Variants in HIVEP1 observed in about 807,000 individuals in gnomAD.
The protein encoded by HIVEP1 is zinc finger protein 40.
In HIVEP1, 36 loss-of-function variants were observed where a neutral mutation model predicts 180.0. The observed-to-expected ratio is 0.20, with a 90% confidence interval of 0.15 to 0.26. HIVEP1 has a LOEUF of 0.26. Among genes scored for constraint, HIVEP1 ranks in the 10% least tolerant of loss-of-function variants. HIVEP1 has a pLI of 1.00. For synonymous variants in HIVEP1, 1,239 were observed against 1,239.0 expected, an observed-to-expected ratio of 1.00 and a Z score of 0.00; for missense variants, 3,143 against 3,268.7, an observed-to-expected ratio of 0.96 and a Z score of 0.94.
At chr6:12,195,307 C>T in the HIVEP1 span, among the ~76,000 whole-genome samples, 1 of 152,084 alleles carries the variant, frequency 6.6e-6, no homozygotes, top group Admixed American at 6.5e-5. Flanking sequence ...AGAGTAAGTG[C>T]TCAATAAATA....
At position 12,121,280 on chromosome 6, in the gene HIVEP1, C is replaced by T. The variant is rs777787146; in HGVS notation, c.1485C>T (p.Ser495=). Residue 495 remains serine (S), a synonymous_variant, in exon 4 of 9, where the codon AGC becomes AGT. Transcript: ENST00000379388. The surrounding 1 kb of genome is among the most constrained non-coding windows in gnomAD (Gnocchi z 5.3). ...IHSDVEDSGE[S]EEEGATDERQ... is the part of the protein sequence containing the mutation. Reference sequence around the variant, plus strand: ...CAGACGTAGAAGACAGTGGGGAGAGCGAGGAGGAAGGCGCCACTGATGAGA... The same window carrying T: ...CAGACGTAGAAGACAGTGGGGAGAGTGAGGAGGAAGGCGCCACTGATGAGA... The T allele has an allele frequency of 1.6e-5, 26 of 1,614,070 alleles. No homozygotes were observed. The highest frequency in any genetic ancestry group is 1.1e-4 in the South Asian group (10 of 91,082).
chr6:12,015,481 C>A (rs1341649772), intron 1 of HIVEP1, 45 bp from the exon 2 acceptor site: 1 of 666,312 alleles, frequency 1.5e-6, no homozygotes, highest in South Asian at 1.9e-5. Flanking sequence ...TATCTTTCTC[C>A]TCTGAAGGTA....
intron 2 of HIVEP1, among the ~76,000 whole-genome samples, chr6:12,033,975 C>G (rs984216537): frequency 2.0e-5 from 3 of 152,150 alleles, no homozygotes. Context: ...CAGGAAGTCT[C>G]TGGTTAAAGA....
In HIVEP1 at chr6:12,063,386, C is replaced by T. The variant is rs1232007883; in HGVS notation, c.41-25798C>T. 1.3e-5 allele frequency among the ~76,000 whole-genome samples: 2 copies of T among 152,106 alleles called. No individual in the cohort carries two copies. Among genetic ancestry groups the T allele is most frequent in the Non-Finnish European group, 2.9e-5 (2 of 68,024 alleles). On this transcript the variant is annotated intron_variant, in intron 2 of 8. Coordinates refer to ENST00000379388, the MANE Select transcript of HIVEP1 (RefSeq NM_002114.4). The surrounding 1 kb of genome is among the most constrained non-coding windows in gnomAD (Gnocchi z 4.2). ...AGATGTCTCCAGGCATTTCCAAATG[C>T]CTTTTGGGGGGCAAAATCACCCCAA... is the stretch of plus-strand genomic sequence containing the variant.
At chr6:12,192,120 T>A in the HIVEP1 span, among the ~76,000 whole-genome samples, 2 of 152,232 alleles carry the variant, frequency 1.3e-5, no homozygotes, top group African/African-American at 4.8e-5. Flanking sequence ...AATTACAATA[T>A]TTCTTTTTAA....
At chr6:12,197,727 G>A in the HIVEP1 span, among the ~76,000 whole-genome samples, 3 of 152,090 alleles carry the variant, frequency 2.0e-5, no homozygotes, top group African/African-American at 7.2e-5. Context: ...GGCAGGATCT[G>A]ATTTGCATTT....
At chr6:12,080,461 T>C (rs971567506) in intron 2 of HIVEP1, among the ~76,000 whole-genome samples, 3 of 152,190 alleles carry the variant, frequency 2.0e-5, no homozygotes, top group African/African-American at 7.2e-5. Flanking sequence ...ATATATACTG[T>C]ATGTATAAAT....
the HIVEP1 span, among the ~76,000 whole-genome samples, chr6:12,180,810 G>A: frequency 6.6e-6 from 1 of 152,092 alleles, no homozygotes; most frequent in Non-Finnish European, 1.5e-5. Flanking sequence ...ACATATCTTT[G>A]TTTTCATTTG....
upstream of HIVEP1, chr6:12,012,019 G>A (rs1767360717): frequency 6.9e-6 from 1 of 144,504 alleles, no homozygotes; most frequent in African/African-American, 2.5e-5. Context: ...CGGCCCCAAA[G>A]ACGCTAAACG....
At chr6:12,128,545 A>G (rs1758229189) in intron 4 of HIVEP1, among the ~76,000 whole-genome samples, 1 of 152,156 alleles carries the variant, frequency 6.6e-6, no homozygotes, top group Admixed American at 6.5e-5. Flanking sequence ...CCAGAGGATT[A>G]GAGTTTGAGC....
chr6:12,130,484 G>T (rs1210345318), intron 5 of HIVEP1, among the ~76,000 whole-genome samples: 1 of 152,082 alleles, frequency 6.6e-6, no homozygotes, highest in Non-Finnish European at 1.5e-5. Context: ...GCTTCATTGA[G>T]CTACAATCAC....
chr6:12,064,150 A>T (rs1339548345), intron 2 of HIVEP1, among the ~76,000 whole-genome samples: 1 of 151,990 alleles, frequency 6.6e-6, no homozygotes, highest in African/African-American at 2.4e-5. Context: ...CACCAAATAA[A>T]TTTTTTTTAA....
intron 2 of HIVEP1, among the ~76,000 whole-genome samples, chr6:12,034,731 T>C (rs1048610364): frequency 2.0e-5 from 3 of 152,212 alleles, no homozygotes; most frequent in African/African-American, 7.2e-5. Flanking sequence ...AACCTATGCA[T>C]GTATTTCTGA....
intron 2 of HIVEP1, among the ~76,000 whole-genome samples, chr6:12,051,949 T>C (rs774486777): frequency 1.1e-4 from 17 of 152,220 alleles, no homozygotes; most frequent in African/African-American, 2.7e-4. Context: ...GAGGAACTGT[T>C]CTCTCCAGTT....
chr6:12,113,462 G>A (rs1376302061), intron 3 of HIVEP1, among the ~76,000 whole-genome samples: 1 of 152,026 alleles, frequency 6.6e-6, no homozygotes, highest in Admixed American at 6.6e-5. Context: ...TGAGTCAGGG[G>A]AAATGGTGTA....
intron 3 of HIVEP1, among the ~76,000 whole-genome samples, chr6:12,113,130 A>G (rs528637640): frequency 2.2e-4 from 34 of 151,556 alleles, no homozygotes; most frequent in Non-Finnish European, 4.7e-4. Context: ...AAGAGCCTGT[A>G]AGTGAGTGTG....
downstream of HIVEP1, among the ~76,000 whole-genome samples, chr6:12,166,101 A>G (rs1760693869): frequency 6.6e-6 from 1 of 152,214 alleles, no homozygotes; most frequent in Admixed American, 6.5e-5. Flanking sequence ...TATCTGCTCT[A>G]GGGATTGCGT....
At chr6:12,049,993 A>G (rs906100584) in intron 2 of HIVEP1, among the ~76,000 whole-genome samples, 3 of 152,102 alleles carry the variant, frequency 2.0e-5, no homozygotes, top group African/African-American at 4.8e-5. Flanking sequence ...GGCTCTCTGG[A>G]GCATATATAT....
At chr6:12,176,945 A>C in the HIVEP1 span, among the ~76,000 whole-genome samples, 2 of 152,262 alleles carry the variant, frequency 1.3e-5, no homozygotes, top group Middle Eastern at 3.2e-3. Flanking sequence ...TGTATAAAGC[A>C]AATGTGGTAC....
Sources: gnomAD v4.1 joint callset for allele counts (sites outside exome capture counted in the v4.1 genomes callset) on GRCh38, gnomAD v4.1.1 for gene constraint, Gnocchi (gnomAD v3.1) non-coding constraint, MANE v1.5 for transcripts, NCBI Gene and HGNC (gene_info 2026-07-23, HGNC 2026-07-21) for gene names.